The following FAM168A variants were observed in gnomAD, a reference collection of about 807,000 sequenced individuals.
FAM168A encodes family with sequence similarity 168 member A.
In FAM168A, 3 loss-of-function variants were observed where a neutral mutation model predicts 28.5. That is an observed-to-expected ratio of 0.11 (90% CI 0.05 to 0.27). The LOEUF (loss-of-function observed/expected upper bound fraction) is 0.27. FAM168A is among the 10% of genes least tolerant of loss of function. The pLI, the probability that FAM168A is intolerant of heterozygous loss-of-function variation, is 1.00. For missense variants in FAM168A, 222 were observed against 311.5 expected (o/e 0.71, Z 2.16); for synonymous variants, 122 against 124.2 (o/e 0.98, Z 0.12).
chr11:73,499,596 C>A (rs1195602294), intron 1 of FAM168A, among the ~76,000 whole-genome samples: 2 of 152,048 alleles, frequency 1.3e-5, no homozygotes, highest in Non-Finnish European at 2.9e-5. Context: ...GGAACATGTT[C>A]TAACCCAATG....
chr11:73,482,453 T>C (rs1867980558), intron 1 of FAM168A, among the ~76,000 whole-genome samples: 1 of 152,016 alleles, frequency 6.6e-6, no homozygotes, highest in Non-Finnish European at 1.5e-5. Context: ...CCCCACCTTT[T>C]GCTGGTCATA....
chr11:73,442,696 C>G (rs1565246884), intron 2 of FAM168A, among the ~76,000 whole-genome samples: 1 of 151,812 alleles, frequency 6.6e-6, no homozygotes, highest in Non-Finnish European at 1.5e-5. Flanking sequence ...TGTTTTATGG[C>G]CTAGCACACT....
chr11:73,520,188 G>A (rs1247175885), intron 1 of FAM168A, among the ~76,000 whole-genome samples: 4 of 151,980 alleles, frequency 2.6e-5, no homozygotes, highest in Non-Finnish European at 5.9e-5. Flanking sequence ...TGGGACTACA[G>A]GCGTGCACCA....
chr11:73,507,588 C>T lies in FAM168A; in HGVS notation c.-18-39096G>A, dbSNP rs568162191. Reference sequence around the variant, plus strand: ...AACAAATCTGAGTTTACCTATATAACAAACCTATGTGTGTAATCTTGAACC... The same window carrying T: ...AACAAATCTGAGTTTACCTATATAATAAACCTATGTGTGTAATCTTGAACC... On this transcript the variant is annotated intron_variant, in intron 1 of 7. Transcript: ENST00000356467. 4.6e-5 allele frequency among the ~76,000 whole-genome samples: 7 copies of T among 151,994 alleles called. No homozygotes were observed. The South Asian group carries it at 1.2e-3, about 27-fold the overall frequency.
chr11:73,436,959 T>C (rs1393338356), intron 2 of FAM168A, among the ~76,000 whole-genome samples: 1 of 152,222 alleles, frequency 6.6e-6, no homozygotes, highest in Non-Finnish European at 1.5e-5. Flanking sequence ...AAGGTCATGG[T>C]TGTGTTATTG....
intron 1 of FAM168A, among the ~76,000 whole-genome samples, chr11:73,489,624 T>G (rs1163994714): frequency 6.6e-6 from 1 of 150,964 alleles, no homozygotes; most frequent in Non-Finnish European, 1.5e-5. Context: ...GATCTTCCCA[T>G]CTCAGCCTCC....
chr11:73,417,943 C>G (rs1457147567), intron 4 of FAM168A, among the ~76,000 whole-genome samples: 1 of 152,146 alleles, frequency 6.6e-6, no homozygotes, highest in Non-Finnish European at 1.5e-5. Flanking sequence ...CTTTTTCCGG[C>G]TGTGCTGCTT....
At chr11:73,454,202 A>T (rs1256659198) in intron 2 of FAM168A, among the ~76,000 whole-genome samples, 1 of 152,236 alleles carries the variant, frequency 6.6e-6, no homozygotes, top group Non-Finnish European at 1.5e-5. Flanking sequence ...ATTTACAAGA[A>T]AATGCAAAAG....
intron 2 of FAM168A, among the ~76,000 whole-genome samples, chr11:73,433,076 CTTTTTT>C (rs34994742): frequency 2.5e-4 from 20 of 80,602 alleles, no homozygotes; most frequent in African/African-American, 1.3e-3. Flanking sequence ...CACGCCCCGC[CTTTTTT>C]TTTTTTTTTT....
chr11:73,500,999 C>T (rs1854999994), intron 1 of FAM168A, among the ~76,000 whole-genome samples: 1 of 150,766 alleles, frequency 6.6e-6, no homozygotes, highest in Admixed American at 6.6e-5. Flanking sequence ...AGAAAATTTA[C>T]CAAGCAAATG....
At chr11:73,565,977 TC>T (rs911007273) in intron 1 of FAM168A, among the ~76,000 whole-genome samples, 1 of 152,144 alleles carries the variant, frequency 6.6e-6, no homozygotes, top group Non-Finnish European at 1.5e-5. Context: ...CAGCATTAAT[TC>T]CCCCCTTTCC....
At chr11:73,561,854 T>C (rs906036111) in intron 1 of FAM168A, among the ~76,000 whole-genome samples, 1 of 152,194 alleles carries the variant, frequency 6.6e-6, no homozygotes, top group Non-Finnish European at 1.5e-5. Context: ...TTTTAGATAA[T>C]TTTAATACCC....
intron 2 of FAM168A, among the ~76,000 whole-genome samples, chr11:73,464,249 C>A (rs1590796488): frequency 7.3e-6 from 1 of 136,778 alleles, no homozygotes; most frequent in Admixed American, 7.4e-5. Context: ...AAAGAATAAA[C>A]AAAGTACAAA....
chr11:73,565,939 C>T (rs974075793), intron 1 of FAM168A, among the ~76,000 whole-genome samples: 2 of 152,202 alleles, frequency 1.3e-5, no homozygotes, highest in African/African-American at 2.4e-5. Flanking sequence ...GTGTGCAGGG[C>T]TCAAGCTGAG....
intron 2 of FAM168A, among the ~76,000 whole-genome samples, chr11:73,467,209 T>C (rs1454727532): frequency 2.0e-5 from 3 of 151,792 alleles, no homozygotes; most frequent in Non-Finnish European, 4.4e-5. Context: ...CAAAAAAAGA[T>C]CCTCCTTTCC....
chr11:73,562,857 G>A (rs1943975108), intron 1 of FAM168A, among the ~76,000 whole-genome samples: 1 of 152,092 alleles, frequency 6.6e-6, no homozygotes, highest in Non-Finnish European at 1.5e-5. Flanking sequence ...CCTACTAACA[G>A]GGTGGTTCTG....
At chr11:73,519,558 A>G (rs1943349838) in intron 1 of FAM168A, among the ~76,000 whole-genome samples, 1 of 152,218 alleles carries the variant, frequency 6.6e-6, no homozygotes, top group South Asian at 2.1e-4. Flanking sequence ...CAAGTCAAGA[A>G]AGGGCATTCC....
intron 1 of FAM168A, among the ~76,000 whole-genome samples, chr11:73,558,139 T>C (rs544173949): frequency 2.0e-5 from 3 of 152,130 alleles, no homozygotes; most frequent in African/African-American, 7.2e-5. Flanking sequence ...AAAAATAAAC[T>C]GGACTTCATC....
intron 1 of FAM168A, among the ~76,000 whole-genome samples, chr11:73,484,597 G>A (rs935355818): frequency 8.5e-5 from 7 of 82,724 alleles, no homozygotes; most frequent in East Asian, 3.7e-4. Context: ...TCTATATATC[G>A]ATATCTATAT....
Sources: gnomAD v4.1 joint callset for allele counts (sites outside exome capture counted in the v4.1 genomes callset) on GRCh38, gnomAD v4.1.1 for gene constraint, MANE v1.5 for transcripts, NCBI Gene and HGNC (gene_info 2026-07-23, HGNC 2026-07-21) for gene names.